Variants in ARHGEF40 observed in about 807,000 individuals in gnomAD.
The protein encoded by ARHGEF40 is Rho guanine nucleotide exchange factor 40.
ARHGEF40 carries 98 observed loss-of-function variants against 165.9 expected under a neutral mutation model. The ratio of observed to expected loss-of-function variants is 0.59; its 90% CI spans 0.50 to 0.70. ARHGEF40 has a LOEUF of 0.70. Among genes scored for constraint, ARHGEF40 ranks in the 30% least tolerant of loss-of-function variants. The pLI, the probability that ARHGEF40 is intolerant of heterozygous loss-of-function variation, is 0.00. For synonymous variants in ARHGEF40, 792 were observed against 814.3 expected (o/e 0.97, Z 0.47); for missense variants, 1,815 against 1,968.0 (o/e 0.92, Z 1.47).
rs1888651016 is a variant in ARHGEF40, at chr14:21,089,477, A to G, written c.*469A>G. 1.3e-5 allele frequency: 2 copies of G among 152,800 alleles called. No homozygotes were observed. The allele number at this position is 152,800 out of a possible 1,614,324, so 9.5% of individuals were successfully genotyped here. On this transcript the variant is annotated 3_prime_UTR_variant, in exon 24 of 24. Coordinates refer to ENST00000298694, the MANE Select transcript of ARHGEF40 (RefSeq NM_018071.5). ...AACAATAGGAGGGTGTGACAGGGGA[A>G]CCGTAGACTTTATATATGTAATTAC...
Position 21,084,884 on chromosome 14 carries a change from A to G in ARHGEF40, c.3921A>G (p.Glu1307=). The change falls in exon 18 of 24, where the codon GAA becomes GAG. Residue 1307 remains glutamate, a synonymous_variant. Transcript: ENST00000298694. Reference sequence around the variant, plus strand: ...TGTTCAGCAAGCTCAAGGGCCCTGAAGGGGGGTCAGAGATGTTTGTTTACA... The same window carrying G: ...TGTTCAGCAAGCTCAAGGGCCCTGAGGGGGGGTCAGAGATGTTTGTTTACA... ...LLLFSKLKGP[E]GGSEMFVYKQ... The G allele has an allele frequency of 6.2e-7, 1 of 1,614,108 alleles. No homozygotes were observed. The highest frequency in any genetic ancestry group is 8.5e-7 in the Non-Finnish European group (1 of 1,180,006).
At chr14:21,078,562 T>G in intron 10 of ARHGEF40, 74 bp downstream of exon 10, 1 of 1,413,060 alleles carries the variant, frequency 7.1e-7, no homozygotes, top group Non-Finnish European at 9.6e-7. Flanking sequence ...CAACAAACCT[T>G]AGCTGCCAGA....
chr14:21,085,781 T>C lies in ARHGEF40; in HGVS notation c.4053T>C (p.Thr1351=). The part of the protein sequence containing the change: ...FRRRRAREAY[T]LQATSPEIKL... ...GGCGGCGTGCACGAGAGGCATACAC[T>C]CTGCAGGCAACCTCACCAGAGATCA... The change falls in exon 19 of 24, where the codon ACT becomes ACC. Residue 1351 remains threonine (T), a synonymous_variant. Coordinates refer to ENST00000298694, the MANE Select transcript of ARHGEF40 (RefSeq NM_018071.5). The C allele has an allele frequency of 1.2e-6, 2 of 1,614,158 alleles. No homozygotes were observed. The highest frequency in any genetic ancestry group is 2.2e-5 in the East Asian group (1 of 44,882).
chr14:21,087,997 G>A lies in ARHGEF40; in HGVS notation c.4417G>A (p.Val1473Met), dbSNP rs1013606804. 26 of 1,613,990 alleles carry A rather than the reference G, an allele frequency of 1.6e-5. No individual in the cohort carries two copies. Among genetic ancestry groups the A allele is most frequent in the Non-Finnish European group, 2.1e-5 (25 of 1,180,038 alleles). The change falls in exon 22 of 24, where the codon GTG becomes ATG. Residue 1473 changes from valine (V) to methionine (M), a missense_variant. Transcript: ENST00000298694. ...APETLDSSGD[V>M]SPGPRNSPSL... Reference sequence around the variant, plus strand: ...AGAAACACTTGACTCTTCTGGAGATGTGTCCCCAGGACCAAGAAACAGCCC... The same window carrying A: ...AGAAACACTTGACTCTTCTGGAGATATGTCCCCAGGACCAAGAAACAGCCC...
At chr14:21,078,614 T>C (rs758810131) in intron 10 of ARHGEF40, 126 bp downstream of exon 10, 29 of 1,008,232 alleles carry the variant, frequency 2.9e-5, no homozygotes, top group Non-Finnish European at 3.9e-5. Flanking sequence ...TACTATGCTT[T>C]TACACTTACT....
chr14:21,070,378 C>CG lies in ARHGEF40; in HGVS notation c.-18dup. 1.4e-6 allele frequency: 2 copies of CG among 1,406,052 alleles called. No individual in the cohort carries two copies. The highest frequency in any genetic ancestry group is 3.1e-5 in the South Asian group (2 of 64,926). The allele number at this position is 1,406,052 out of a possible 1,614,324, so 87.1% of individuals were successfully genotyped here. ...CCCGCCCGCCCGACCAAGCGTCGGA[C>CG]GCGGCCCGGCGCCGAGCCATGGTGA... On this transcript the variant is annotated 5_prime_UTR_variant, in exon 1 of 24. Coordinates refer to ENST00000298694, the MANE Select transcript of ARHGEF40 (RefSeq NM_018071.5). The surrounding 1 kb of genome is among the most constrained non-coding windows in gnomAD (Gnocchi z 4.7).
chr14:21,062,421 TC>T, the ARHGEF40 span, among the ~76,000 whole-genome samples: 1 of 152,194 alleles, frequency 6.6e-6, no homozygotes, highest in Non-Finnish European at 1.5e-5. Context: ...CTCAGCATTC[TC>T]CTCCCTCTGC....
chr14:21,084,640 T>C lies in ARHGEF40; in HGVS notation c.3790-113T>C. ...CTGAGGGCTTCCCTGACTTCCTGAC[T>C]CTACCTGAGAACCAGTGCATTAGGC... On this transcript the variant is annotated intron_variant, in intron 17 of 23. Transcript: ENST00000298694. 4.1e-6 allele frequency: 5 copies of C among 1,210,070 alleles called. No homozygotes were observed. In the South Asian group the frequency reaches 7.4e-5, roughly 18 times the overall value. The allele number at this position is 1,210,070 out of a possible 1,614,324, so 75.0% of individuals were successfully genotyped here.
At chr14:21,065,863 C>T (rs2139170156), upstream of ARHGEF40, among the ~76,000 whole-genome samples, 1 of 152,326 alleles carries the variant, frequency 6.6e-6, no homozygotes. Flanking sequence ...CTTAGGGAGG[C>T]CAAGGTGGGC....
Position 21,074,945 on chromosome 14 carries a change from G to A in ARHGEF40, c.1215G>A (p.Lys405=). 1.2e-6 allele frequency: 2 copies of A among 1,607,948 alleles called. No homozygotes were observed. The highest frequency in any genetic ancestry group is 1.7e-6 in the Non-Finnish European group (2 of 1,177,658). ...GDSAPLSPGD[K]EDASHQEALG... is the part of the protein sequence containing the mutation. ...GTGCCCCACTGAGCCCTGGGGACAA[G>A]GAAGATGCCAGCCACCAAGAAGCCC... The change falls in exon 3 of 24, where the codon AAG becomes AAA. Residue 405 remains lysine, a synonymous_variant. Transcript: ENST00000298694. The surrounding 1 kb of genome is among the most constrained non-coding windows in gnomAD (Gnocchi z 4.8).
In ARHGEF40 at chr14:21,082,429, A is replaced by T. The variant is rs1888001243; in HGVS notation, c.3437A>T (p.Gln1146Leu). 6.2e-7 allele frequency: 1 copy of T among 1,606,954 alleles called. No homozygotes were observed. Among genetic ancestry groups the T allele is most frequent in the South Asian group, 1.1e-5 (1 of 90,942 alleles). ...FHRTHFLREL[Q>L]GCATHPLRIG... ...CGGACACACTTTCTGCGGGAGCTTCAGGGCTGCGCCACCCACCCCCTACGC... is the reference window on the plus strand; with the variant it reads ...CGGACACACTTTCTGCGGGAGCTTCTGGGCTGCGCCACCCACCCCCTACGC... The change falls in exon 15 of 24, where the codon CAG (glutamine) becomes CTG (leucine). Residue 1146 changes from glutamine to leucine, a missense_variant. By Grantham distance (113) the Gln-to-Leu change is moderately radical. Transcript: ENST00000298694.
At chr14:21,063,369 A>G in the ARHGEF40 span, among the ~76,000 whole-genome samples, 1 of 152,190 alleles carries the variant, frequency 6.6e-6, no homozygotes, top group African/African-American at 2.4e-5. Flanking sequence ...GCAAATATCT[A>G]TTGGCACAAA....
upstream of ARHGEF40, among the ~76,000 whole-genome samples, chr14:21,067,276 AG>A (rs1049834881): frequency 1.2e-3 from 98 of 79,428 alleles, no homozygotes; most frequent in African/African-American, 3.6e-3. Context: ...GTCTAGAAAA[AG>A]GTAGGTTTTT....
chr14:21,088,810 T>G lies in ARHGEF40; in HGVS notation c.4519-20T>G. 4 of 1,605,470 alleles carry G rather than the reference T, an allele frequency of 2.5e-6. No homozygotes were observed. The highest frequency in any genetic ancestry group is 3.4e-6 in the Non-Finnish European group (4 of 1,174,524). ...ACAAGAAATATGTCCCTAAATTCAC[T>G]GTAGCTTCTCTCCCCCCAGAGTCAT... On this transcript the variant is annotated intron_variant, in intron 22 of 23. Coordinates refer to ENST00000298694, the MANE Select transcript of ARHGEF40 (RefSeq NM_018071.5).
chr14:21,079,060 C>T, intron 11 of ARHGEF40, 50 bp downstream of exon 11: 1 of 1,577,156 alleles, frequency 6.3e-7, no homozygotes, highest in Non-Finnish European at 8.6e-7. Context: ...AGTGTGGCCT[C>T]CAGCACCTTT....
intron 18 of ARHGEF40, 145 bp from the exon 19 acceptor site, chr14:21,085,544 C>T (rs116415199): frequency 1.4e-5 from 13 of 926,790 alleles, no homozygotes; most frequent in East Asian, 8.0e-5. Context: ...GAAGACTAAA[C>T]GTAGAGCACT....
chr14:21,081,388 GGA>G, intron 13 of ARHGEF40, 119 bp from the exon 14 acceptor site: 1 of 1,372,120 alleles, frequency 7.3e-7, no homozygotes, highest in Non-Finnish European at 1.0e-6. Context: ...TGAGAAAACA[GGA>G]GAGTGACGGG....
intron 7 of ARHGEF40, 27 bp from the exon 8 acceptor site, chr14:21,076,747 A>G: frequency 6.2e-7 from 1 of 1,612,854 alleles, no homozygotes; most frequent in Non-Finnish European, 8.5e-7. Flanking sequence ...GTGCCCAGGA[A>G]GAAACCCCCT....
intron 17 of ARHGEF40, among the ~76,000 whole-genome samples, chr14:21,084,419 C>G (rs1432517778): frequency 6.6e-6 from 1 of 152,244 alleles, no homozygotes; most frequent in African/African-American, 2.4e-5. Flanking sequence ...ATGTTGGAAT[C>G]CTGTATCCTC....
Sources: gnomAD v4.1 joint callset for allele counts (sites outside exome capture counted in the v4.1 genomes callset) on GRCh38, gnomAD v4.1.1 for gene constraint, Gnocchi (gnomAD v3.1) non-coding constraint, MANE v1.5 for transcripts, NCBI Gene and HGNC (gene_info 2026-07-23, HGNC 2026-07-21) for gene names.